MAGI3: variants seen among roughly 807,000 people sequenced by gnomAD.
MAGI3 encodes the protein membrane-associated guanylate kinase, WW and PDZ domain-containing protein 3.
In MAGI3, 43 loss-of-function variants were observed where a neutral mutation model predicts 121.8. The observed-to-expected ratio is 0.35, with a 90% CI of 0.28 to 0.46. The LOEUF is 0.46. Among genes scored for constraint, MAGI3 ranks in the 20% least tolerant of loss-of-function variants. MAGI3 has a pLI of 1.00. For synonymous variants in MAGI3, 553 were observed against 639.3 expected, an observed-to-expected ratio of 0.86 and a Z score of 2.04; for missense variants, 1,547 against 1,797.3, an observed-to-expected ratio of 0.86 and a Z score of 2.52.
intron 1 of MAGI3, among the ~76,000 whole-genome samples, chr1:113,439,645 C>A (rs934908230): frequency 6.6e-6 from 1 of 152,184 alleles, no homozygotes; most frequent in Admixed American, 6.5e-5. Flanking sequence ...ACAGAACACT[C>A]AATTGTTAGA....
At chr1:113,598,527 G>A (rs1649164102) in intron 6 of MAGI3, among the ~76,000 whole-genome samples, 1 of 151,902 alleles carries the variant, frequency 6.6e-6, no homozygotes, top group Non-Finnish European at 1.5e-5. Context: ...AGCAGGAGTA[G>A]CTATTGTTAT....
At chr1:113,608,244 A>G (rs965267249) in intron 6 of MAGI3, among the ~76,000 whole-genome samples, 2 of 152,038 alleles carry the variant, frequency 1.3e-5, no homozygotes, top group Non-Finnish European at 2.9e-5. Flanking sequence ...GAGGGAGGGA[A>G]GAAGGGAAAA....
intron 9 of MAGI3, among the ~76,000 whole-genome samples, chr1:113,633,219 C>A: frequency 7.4e-6 from 1 of 135,238 alleles, no homozygotes; most frequent in South Asian, 2.3e-4. Flanking sequence ...CATGTCCCTA[C>A]AAAGGACATG....
Position 113,391,228 on chromosome 1 carries a change from C to T in MAGI3, c.195C>T (p.Pro65=). The T allele has an allele frequency of 6.4e-7, 1 of 1,561,656 alleles. No individual in the cohort carries two copies. The highest frequency in any genetic ancestry group is 8.7e-7 in the Non-Finnish European group (1 of 1,153,742). ...GTCCVVSGKA[P]SPGDVLLEVN... is the part of the protein sequence containing the mutation. ...GCTGCGTCGTCTCGGGCAAGGCGCC[C>T]AGCCCAGGCGATGTGCTGCTGGAGG... is the stretch of plus-strand genomic sequence containing the variant. Residue 65 remains proline, a synonymous_variant, in exon 1 of 21, where the codon CCC becomes CCT. Transcript: ENST00000307546. This position sits in a 1 kb window ranked among gnomAD's most constrained non-coding sequence, Gnocchi z 4.4.
At chr1:113,491,472 GA>G (rs1391730550) in intron 1 of MAGI3, among the ~76,000 whole-genome samples, 1 of 152,004 alleles carries the variant, frequency 6.6e-6, no homozygotes, top group Non-Finnish European at 1.5e-5. Flanking sequence ...GAGAACTAGT[GA>G]AATAAGAGCA....
intron 1 of MAGI3, among the ~76,000 whole-genome samples, chr1:113,531,768 T>G (rs1335451521): frequency 4.6e-5 from 7 of 152,026 alleles, no homozygotes; most frequent in Admixed American, 4.6e-4. Context: ...TCTCGAAACC[T>G]TAGTACTCAA....
At chr1:113,613,557 A>G (rs1650285650) in intron 6 of MAGI3, among the ~76,000 whole-genome samples, 1 of 152,222 alleles carries the variant, frequency 6.6e-6, no homozygotes, top group Non-Finnish European at 1.5e-5. Context: ...AAAACTAATA[A>G]GTCTTGTGAT....
At chr1:113,601,285 G>A (rs1649362090) in intron 6 of MAGI3, among the ~76,000 whole-genome samples, 2 of 152,038 alleles carry the variant, frequency 1.3e-5, no homozygotes, top group Non-Finnish European at 2.9e-5. Context: ...TGAACAGGCA[G>A]CCTACAAAAC....
intron 1 of MAGI3, among the ~76,000 whole-genome samples, chr1:113,458,520 A>G (rs1654880807): frequency 6.6e-6 from 1 of 151,846 alleles, no homozygotes; most frequent in Non-Finnish European, 1.5e-5. Context: ...TTACTTTTAT[A>G]TTTTTTTGGA....
Position 113,493,598 on chromosome 1 carries a change from A to G in MAGI3, c.317-55917A>G, listed in dbSNP as rs1469749057. Among the ~76,000 whole-genome samples, 8 of 152,364 alleles carry G rather than the reference A, an allele frequency of 5.3e-5. No homozygotes were observed. In the East Asian group the frequency reaches 1.3e-3, roughly 26 times the overall value. On this transcript the variant is annotated intron_variant, in intron 1 of 20. Coordinates refer to ENST00000307546, the MANE Select transcript of MAGI3 (RefSeq NM_001142782.2). The stretch of plus-strand genomic sequence containing the variant: ...TCAACAGAGTGAACAGACAACCTAC[A>G]GAGTGGCAGAAAATATTTGCAAATG...
At chr1:113,623,730 G>A (rs991335205) in intron 9 of MAGI3, among the ~76,000 whole-genome samples, 14 of 151,850 alleles carry the variant, frequency 9.2e-5, no homozygotes, top group Admixed American at 2.0e-4. Flanking sequence ...CTCGTGATCC[G>A]CCTGCCTTGG....
intron 1 of MAGI3, among the ~76,000 whole-genome samples, chr1:113,463,990 T>C (rs1343985928): frequency 6.6e-6 from 1 of 152,146 alleles, no homozygotes; most frequent in Non-Finnish European, 1.5e-5. Context: ...ATTTGTCTTT[T>C]CTTTATGCTA....
intron 2 of MAGI3, among the ~76,000 whole-genome samples, chr1:113,568,410 T>C (rs1024183957): frequency 6.6e-6 from 1 of 152,100 alleles, no homozygotes; most frequent in African/African-American, 2.4e-5. Context: ...ATGGCAAAGA[T>C]ACCAGTTCTG....
chr1:113,646,168 A>G (rs1390888876), intron 11 of MAGI3, among the ~76,000 whole-genome samples: 1 of 151,908 alleles, frequency 6.6e-6, no homozygotes, highest in Non-Finnish European at 1.5e-5. Flanking sequence ...CTTGTATTGT[A>G]TTTCTATTTA....
At chr1:113,673,292 C>T in intron 18 of MAGI3, 30 bp from the exon 19 acceptor site, 1 of 1,602,786 alleles carries the variant, frequency 6.2e-7, no homozygotes, top group Middle Eastern at 1.8e-4. Flanking sequence ...TCCATGAGAA[C>T]TTGCTTTTCT....
chr1:113,395,899 A>G (rs1442223920), intron 1 of MAGI3, among the ~76,000 whole-genome samples: 1 of 152,114 alleles, frequency 6.6e-6, no homozygotes, highest in Non-Finnish European at 1.5e-5. Context: ...ATGATTTTAA[A>G]TTTTATTCAG....
At chr1:113,545,442 G>A (rs1230892606) in intron 1 of MAGI3, among the ~76,000 whole-genome samples, 1 of 152,052 alleles carries the variant, frequency 6.6e-6, no homozygotes, top group Non-Finnish European at 1.5e-5. Flanking sequence ...AACTATCCTT[G>A]TGGAAACATG....
At chr1:113,512,543 TA>T (rs1172024613) in intron 1 of MAGI3, among the ~76,000 whole-genome samples, 1 of 152,218 alleles carries the variant, frequency 6.6e-6, no homozygotes, top group African/African-American at 2.4e-5. Context: ...TTAAGATTTT[TA>T]AAGCCTGTTC....
intron 1 of MAGI3, among the ~76,000 whole-genome samples, chr1:113,393,041 G>A (rs1650911743): frequency 6.6e-6 from 1 of 152,146 alleles, no homozygotes. Context: ...TATTGACATG[G>A]AAGCTGGTGT....
Sources: allele counts gnomAD v4.1 joint callset (sites outside exome capture counted in the v4.1 genomes callset), GRCh38; gene constraint gnomAD v4.1.1; non-coding constraint Gnocchi (gnomAD v3.1); transcripts MANE v1.5; gene names NCBI Gene and HGNC (gene_info 2026-07-23, HGNC 2026-07-21).